DLGAP2: variants seen among roughly 807,000 people sequenced by gnomAD.
DLGAP2 encodes disks large-associated protein 2.
DLGAP2 carries 26 observed loss-of-function variants against 100.3 expected under a neutral mutation model. That is an observed-to-expected ratio of 0.26 (90% confidence interval 0.19 to 0.36). The LOEUF (loss-of-function observed/expected upper bound fraction) is 0.36, where lower values mean the gene tolerates loss of function less well. Among genes scored for constraint, DLGAP2 ranks in the 10% least tolerant of loss-of-function variants. The pLI is 1.00. For missense variants in DLGAP2, 1,858 were observed against 1,453.2 expected (o/e 1.28, Z -4.53); for synonymous variants, 886 against 630.1 (o/e 1.41, Z -6.08).
intron 3 of DLGAP2, 141 bp from the exon 4 acceptor site, chr8:1,501,225 T>G (rs1799711281): frequency 2.3e-6 from 2 of 862,738 alleles, no homozygotes; most frequent in Admixed American, 4.7e-5. Flanking sequence ...TGCTGGGCTC[T>G]GAGCGGTGAC....
At chr8:1,697,017 C>G in intron 13 of DLGAP2, 130 bp from the exon 14 acceptor site, 1 of 1,006,800 alleles carries the variant, frequency 9.9e-7, no homozygotes, top group Non-Finnish European at 1.4e-6. Flanking sequence ...AAGTATCTGC[C>G]TCAGGCTGGA....
chr8:1,352,260 GAT>G (rs1801751159), intron 3 of DLGAP2, among the ~76,000 whole-genome samples: 1 of 123,912 alleles, frequency 8.1e-6, no homozygotes, highest in African/African-American at 3.1e-5. Context: ...TGTGGGTCCT[GAT>G]CGTGTGTGGA....
At chr8:1,142,177 G>C (rs1023680118) in intron 2 of DLGAP2, among the ~76,000 whole-genome samples, 1 of 151,938 alleles carries the variant, frequency 6.6e-6, no homozygotes, top group African/African-American at 2.4e-5. Context: ...AGATCTTTAA[G>C]GTTCTGAGAG....
chr8:1,331,345 T>C (rs1801153536), intron 3 of DLGAP2, among the ~76,000 whole-genome samples: 1 of 152,158 alleles, frequency 6.6e-6, no homozygotes, highest in Non-Finnish European at 1.5e-5. Context: ...CACACCCGTT[T>C]CACAGCCCAG....
At chr8:1,155,297 T>G (rs1195232028) in intron 2 of DLGAP2, among the ~76,000 whole-genome samples, 2 of 152,130 alleles carry the variant, frequency 1.3e-5, no homozygotes, top group East Asian at 1.9e-4. Flanking sequence ...GGGAGTGGTT[T>G]CCAACACGCT....
At chr8:1,482,888 A>G (rs1166523335) in intron 3 of DLGAP2, among the ~76,000 whole-genome samples, 4 of 152,250 alleles carry the variant, frequency 2.6e-5, no homozygotes, top group Admixed American at 6.5e-5. Context: ...GAAAGAAGCA[A>G]AGACACGAGC....
intron 2 of DLGAP2, among the ~76,000 whole-genome samples, chr8:1,079,127 A>G (rs1382785578): frequency 6.6e-6 from 1 of 152,024 alleles, no homozygotes; most frequent in Non-Finnish European, 1.5e-5. Flanking sequence ...TTCTTGATTT[A>G]TTTTGCATTT....
chr8:998,172 A>C (rs987755751), intron 2 of DLGAP2, among the ~76,000 whole-genome samples: 2 of 152,236 alleles, frequency 1.3e-5, no homozygotes, highest in East Asian at 1.9e-4. Flanking sequence ...ACATGTATAC[A>C]CACAAATGTG....
chr8:826,916 A>C (rs778874841), intron 1 of DLGAP2, among the ~76,000 whole-genome samples: 1 of 152,214 alleles, frequency 6.6e-6, no homozygotes, highest in African/African-American at 2.4e-5. Flanking sequence ...TTGTAGAAAC[A>C]TCCAGTCTTT....
rs962835067 is a variant in DLGAP2, at chr8:1,440,111, G to C, written c.107-61255G>C. The stretch of plus-strand genomic sequence containing the variant: ...CCATTATTCTAGAAAGCAGAAATGT[G>C]AGATTTTACTCCTCTTCATTTTAAG... On this transcript the variant is annotated intron_variant, in intron 3 of 14. Coordinates refer to ENST00000637795, the MANE Select transcript of DLGAP2 (RefSeq NM_001346810.2). 3.3e-5 allele frequency among the ~76,000 whole-genome samples: 5 copies of C among 152,060 alleles called. No individual in the cohort carries two copies. In the East Asian group the frequency reaches 9.7e-4, roughly 29 times the overall value.
intron 3 of DLGAP2, among the ~76,000 whole-genome samples, chr8:1,304,505 G>A (rs975076748): frequency 1.7e-4 from 26 of 152,152 alleles, no homozygotes; most frequent in African/African-American, 4.6e-4. Flanking sequence ...TAAGGAAAAC[G>A]GCTTCAGTGA....
At chr8:1,241,455 G>A (rs924241006) in intron 2 of DLGAP2, among the ~76,000 whole-genome samples, 6 of 152,284 alleles carry the variant, frequency 3.9e-5, no homozygotes, top group African/African-American at 1.4e-4. Context: ...CTCACACCCT[G>A]ACGCGTTATT....
At chr8:823,114 C>T (rs1796613932) in intron 1 of DLGAP2, among the ~76,000 whole-genome samples, 2 of 152,056 alleles carry the variant, frequency 1.3e-5, no homozygotes, top group Admixed American at 6.5e-5. Flanking sequence ...CCTTCTTTTA[C>T]GTCTCACTTG....
In DLGAP2 at chr8:1,077,370, C is replaced by T. The variant is rs73542005; in HGVS notation, c.73+169404C>T. On this transcript the variant is annotated intron_variant, in intron 2 of 14. Coordinates refer to ENST00000637795, the MANE Select transcript of DLGAP2 (RefSeq NM_001346810.2). ...CACACCTGTTAGTAAACACTCAGCT[C>T]GTCACACGGCAGTCCCATCATATCC... 7.3e-3 allele frequency among the ~76,000 whole-genome samples: 1,119 copies of T among 152,282 alleles called. 16 individuals are homozygous for T. Among genetic ancestry groups the T allele is most frequent in the African/African-American group, 0.025 (1,019 of 41,556 alleles).
At chr8:1,557,873 G>T (rs892879815) in intron 5 of DLGAP2, among the ~76,000 whole-genome samples, 7 of 152,178 alleles carry the variant, frequency 4.6e-5, no homozygotes, top group Non-Finnish European at 7.3e-5. Context: ...CTCTGTAAAC[G>T]TCCCATCTCC....
chr8:1,276,208 A>G lies in DLGAP2; in HGVS notation c.106+17325A>G, dbSNP rs1377785592. Among the ~76,000 whole-genome samples the G allele has an allele frequency of 2.7e-5, 4 of 148,684 alleles. No homozygotes were observed. The East Asian group carries it at 5.9e-4, about 22-fold the overall frequency. ...TTGCTCTCTCTCAACTCCAATCAAC[A>G]CTCCCCCCCCGACCCTAGCTCTCAA... is the stretch of plus-strand genomic sequence containing the variant. On this transcript the variant is annotated intron_variant, in intron 3 of 14. Transcript: ENST00000637795.
At chr8:913,482 G>C (rs1360453549) in intron 2 of DLGAP2, among the ~76,000 whole-genome samples, 1 of 152,234 alleles carries the variant, frequency 6.6e-6, no homozygotes, top group Non-Finnish European at 1.5e-5. Flanking sequence ...ATGTTGAAAT[G>C]AGTCTTGACT....
At chr8:822,282 T>C in intron 1 of DLGAP2, 1 of 399,224 alleles carries the variant, frequency 2.5e-6, no homozygotes, top group African/African-American at 2.1e-5. Flanking sequence ...TGATGGGTGC[T>C]CCACCCGGGG....
intron 3 of DLGAP2, among the ~76,000 whole-genome samples, chr8:1,498,629 T>G (rs1029797670): frequency 6.6e-6 from 1 of 152,190 alleles, no homozygotes; most frequent in Non-Finnish European, 1.5e-5. Context: ...GCTCAGCACA[T>G]ACGTTAAGCA....
Sources: allele counts gnomAD v4.1 joint callset (sites outside exome capture counted in the v4.1 genomes callset), GRCh38; gene constraint gnomAD v4.1.1; transcripts MANE v1.5; gene names NCBI Gene and HGNC (gene_info 2026-07-23, HGNC 2026-07-21).